Variants in COL4A4 observed in about 807,000 individuals in gnomAD.
The protein encoded by COL4A4 is collagen type IV alpha 4 chain.
COL4A4 carries 105 observed loss-of-function variants against 192.9 expected under a neutral mutation model. The observed-to-expected ratio is 0.54, with a 90% CI of 0.46 to 0.64. COL4A4 has a LOEUF of 0.64. Ranked by LOEUF, COL4A4 falls within the 30% of genes least tolerant of loss-of-function variation. COL4A4 has a pLI of 0.00. For missense variants in COL4A4, 1,967 were observed against 2,169.3 expected (o/e 0.91, Z 1.85); for synonymous variants, 762 against 769.9 (o/e 0.99, Z 0.17).
rs1800519 is a variant in COL4A4, at chr2:227,054,742, T to A, written c.2717-5A>T. The A allele has an allele frequency of 0.015, 23,962 of 1,613,524 alleles. 248 individuals are homozygous for A. The highest frequency in any genetic ancestry group is 0.037 in the Middle Eastern group (217 of 5,918). On this transcript the variant is annotated splice_polypyrimidine_tract_variant and splice_region_variant and intron_variant, in intron 30 of 47. Transcript: ENST00000396625. ...AACCAGGCAGCCCCCGGGGTCCTGG[T>A]GAAATGAGAGCATAAAGTTTTAGGA...
At chr2:227,111,595 A>G in intron 9 of COL4A4, 83 bp downstream of exon 9, 2 of 1,438,028 alleles carry the variant, frequency 1.4e-6, no homozygotes, top group East Asian at 2.3e-5. Context: ...CAAATTATGT[A>G]GCTGGCTTTG....
At chr2:227,090,193 C>G (rs1271241414) in intron 20 of COL4A4, among the ~76,000 whole-genome samples, 1 of 152,070 alleles carries the variant, frequency 6.6e-6, no homozygotes, top group African/African-American at 2.4e-5. Flanking sequence ...TAAAGCCAAC[C>G]CTAATCTCAG....
intron 37 of COL4A4, among the ~76,000 whole-genome samples, chr2:227,038,015 G>T (rs916407098): frequency 6.6e-6 from 1 of 152,138 alleles, no homozygotes; most frequent in African/African-American, 2.4e-5. Context: ...CATTCTGTAG[G>T]TTGCCTGTTC....
Position 227,027,510 on chromosome 2 carries a change from G to C in COL4A4, c.4081+392C>G, listed in dbSNP as rs1302526797. Among the ~76,000 whole-genome samples, 7 of 149,878 alleles carry C rather than the reference G, an allele frequency of 4.7e-5. No homozygotes were observed. The South Asian group carries it at 1.5e-3, about 32-fold the overall frequency. ...GAGGAGGGGGGAGGGGGGAGGGATA[G>C]CATTAGGAGATATACCTAATGTAAA... On this transcript the variant is annotated intron_variant, in intron 42 of 47. Coordinates refer to ENST00000396625, the MANE Select transcript of COL4A4 (RefSeq NM_000092.5).
At chr2:227,113,668 G>A (rs372042421) in intron 8 of COL4A4, among the ~76,000 whole-genome samples, 15 of 152,214 alleles carry the variant, frequency 9.9e-5, no homozygotes, top group African/African-American at 2.6e-4. Flanking sequence ...TGCTGTTGAC[G>A]TTTAGTTTAT....
At position 227,114,692 on chromosome 2, in the gene COL4A4, T is replaced by A. The variant is rs1395435419; in HGVS notation, c.494A>T (p.His165Leu). The change falls in exon 8 of 48, where the codon CAT becomes CTT. Residue 165 changes from histidine to leucine, a missense_variant. By Grantham distance (99) the His-to-Leu change is moderately conservative (BLOSUM62 -3). Transcript: ENST00000396625. ...TCCTTTTTCTCCCTTTTCCCCAGGA[T>A]GGCCCTGAAAATAAAATATGTATGT... ...GALGPGGPLGHPGEKGEKGNS... is the reference protein window; with the variant it reads ...GALGPGGPLGLPGEKGEKGNS... 6.2e-6 allele frequency: 10 copies of A among 1,613,468 alleles called. No individual in the cohort carries two copies. Among genetic ancestry groups the A allele is most frequent in the Non-Finnish European group, 7.6e-6 (9 of 1,179,388 alleles).
At position 227,147,428 on chromosome 2, in the gene COL4A4, A is replaced by C. The variant is rs1237383434; in HGVS notation, c.56T>G (p.Leu19Trp). The change falls in exon 2 of 48, where the codon TTG becomes TGG. Residue 19 changes from leucine (L) to tryptophan (W), a missense_variant. By Grantham distance (61) the Leu-to-Trp change is moderately conservative (BLOSUM62 -2). Transcript: ENST00000396625. ...GGATACTCACCAGGGACCTGTGGCC[A>C]AGGACTTGGTCAATCTGAAGGAGCA... ...MRCSFRLTKS[L>W]ATGPWSLILI... is the part of the protein sequence containing the mutation. 1 of 1,613,806 alleles carries C rather than the reference A, an allele frequency of 6.2e-7. No individual in the cohort carries two copies. Among genetic ancestry groups the C allele is most frequent in the East Asian group, 2.2e-5 (1 of 44,864 alleles).
intron 22 of COL4A4, among the ~76,000 whole-genome samples, chr2:227,085,651 C>G (rs1163903536): frequency 6.6e-6 from 1 of 152,132 alleles, no homozygotes; most frequent in Non-Finnish European, 1.5e-5. Context: ...GAGAGGAAAG[C>G]AGGAGGTCCC....
At chr2:226,971,019 G>A in the COL4A4 span, among the ~76,000 whole-genome samples, 1 of 152,186 alleles carries the variant, frequency 6.6e-6, no homozygotes, top group African/African-American at 2.4e-5. Context: ...GTTATAAATA[G>A]TTGAGATGGT....
chr2:227,140,386 A>T (rs2063121728), intron 3 of COL4A4, 148 bp from the exon 4 acceptor site: 2 of 701,812 alleles, frequency 2.8e-6, no homozygotes, highest in Non-Finnish European at 5.0e-6. Context: ...TGAAGAACTT[A>T]CACAGTAGCT....
chr2:227,092,559 G>A (rs955485008), intron 20 of COL4A4, among the ~76,000 whole-genome samples: 1 of 152,196 alleles, frequency 6.6e-6, no homozygotes. Context: ...TAGTTAATGA[G>A]TTAGAGTGTA....
chr2:227,022,062 C>T lies in COL4A4; in HGVS notation c.4202G>A (p.Gly1401Asp). ...GCGGCTCATACCTGGTCCTGAGGGG[C>T]CTCTCATTCCAGGGAGCCCCATGGC... ...EGAMGLPGMR[G>D]PSGPGCKGEP... Residue 1401 changes from glycine to aspartate, a missense_variant, in exon 44 of 48, where the codon GGC (glycine) becomes GAC (aspartate). Gly to Asp is a moderately conservative substitution (Grantham distance 94). Transcript: ENST00000396625. The T allele has an allele frequency of 6.2e-7, 1 of 1,613,948 alleles. No homozygotes were observed. Among genetic ancestry groups the T allele is most frequent in the Non-Finnish European group, 8.5e-7 (1 of 1,179,900 alleles).
intron 7 of COL4A4, among the ~76,000 whole-genome samples, chr2:227,116,877 T>C (rs1489626792): frequency 6.6e-6 from 1 of 152,170 alleles, no homozygotes; most frequent in Admixed American, 6.5e-5. Context: ...ATAAAAGACA[T>C]ATTCCTTTAG....
chr2:227,071,910 G>A (rs764550952), intron 25 of COL4A4, among the ~76,000 whole-genome samples: 1 of 151,972 alleles, frequency 6.6e-6, no homozygotes, highest in East Asian at 1.9e-4. Context: ...GTGCTAAGAG[G>A]AAAGCTTATA....
intron 45 of COL4A4, among the ~76,000 whole-genome samples, chr2:227,010,733 A>G (rs924974031): frequency 5.9e-5 from 9 of 152,268 alleles, no homozygotes; most frequent in Non-Finnish European, 1.3e-4. Context: ...CTACATTAGC[A>G]TAAAGACAAA....
At chr2:227,031,487 G>A (rs1194045231) in intron 40 of COL4A4, among the ~76,000 whole-genome samples, 1 of 152,134 alleles carries the variant, frequency 6.6e-6, no homozygotes. Flanking sequence ...AGTGATGAAA[G>A]AAACAACATG....
At chr2:226,991,299 G>A in the COL4A4 span, among the ~76,000 whole-genome samples, 1 of 152,182 alleles carries the variant, frequency 6.6e-6, no homozygotes, top group South Asian at 2.1e-4. Context: ...ACCTGCCTCA[G>A]CCTCCCAAGT....
At chr2:227,032,366 A>G in intron 38 of COL4A4, 90 bp from the exon 39 acceptor site, 1 of 1,460,184 alleles carries the variant, frequency 6.8e-7, no homozygotes, top group Non-Finnish European at 9.3e-7. Flanking sequence ...CAATAGCGGC[A>G]GAGGAGTGGC....
At chr2:227,050,643 CT>C (rs1384564565) in intron 33 of COL4A4, among the ~76,000 whole-genome samples, 2 of 152,144 alleles carry the variant, frequency 1.3e-5, no homozygotes, top group Non-Finnish European at 2.9e-5. Flanking sequence ...AACTGGAAGA[CT>C]TTAAAGACAG....
Sources: gnomAD v4.1 joint callset for allele counts (sites outside exome capture counted in the v4.1 genomes callset) on GRCh38, gnomAD v4.1.1 for gene constraint, MANE v1.5 for transcripts, NCBI Gene and HGNC (gene_info 2026-07-23, HGNC 2026-07-21) for gene names.